CCDC82: variants seen among roughly 807,000 people sequenced by gnomAD.
The protein encoded by CCDC82 is coiled-coil domain containing 82.
In CCDC82, 47 loss-of-function variants were observed where a neutral mutation model predicts 60.6. That is an observed-to-expected ratio of 0.77 (90% confidence interval 0.61 to 0.99). CCDC82 has a LOEUF of 0.99. CCDC82 is among the 50% of genes least tolerant of loss of function. CCDC82 has a pLI of 0.00. For missense variants in CCDC82, 588 were observed against 633.0 expected, an observed-to-expected ratio of 0.93 and a Z score of 0.76; for synonymous variants, 212 against 207.4, an observed-to-expected ratio of 1.02 and a Z score of -0.19.
intron 6 of CCDC82, among the ~76,000 whole-genome samples, chr11:96,371,364 C>T (rs1378626379): frequency 4.6e-5 from 7 of 152,082 alleles, no homozygotes; most frequent in Admixed American, 1.3e-4. Flanking sequence ...GGGTGCATTA[C>T]GAGGTCAGGA....
intron 9 of CCDC82, chr11:96,356,441 T>G: frequency 1.0e-6 from 1 of 985,394 alleles, no homozygotes; most frequent in Admixed American, 6.1e-5. Flanking sequence ...TGAATGGGCA[T>G]CTGATACTTC....
chr11:96,362,330 A>T lies in CCDC82; in HGVS notation c.1380+2650T>A, dbSNP rs75168846. Among the ~76,000 whole-genome samples, 18 of 152,316 alleles carry T rather than the reference A, an allele frequency of 1.2e-4. No homozygotes were observed. In the East Asian group the frequency reaches 3.5e-3, roughly 29 times the overall value. On this transcript the variant is annotated intron_variant, in intron 8 of 9. Transcript: ENST00000646818. ...AACAAAGAAAAAGGATTCTCAAGGA[A>T]ACAGTAAGTCTGGGGAAAAGTTTGT...
chr11:96,384,694 A>C lies in CCDC82; in HGVS notation c.54T>G (p.Pro18=). The change falls in exon 4 of 10, where the codon CCT becomes CCG. Residue 18 remains proline (P), a synonymous_variant. Coordinates refer to ENST00000646818, the MANE Select transcript of CCDC82 (RefSeq NM_024725.4). Reference sequence around the variant, plus strand: ...TCCAATCAACTCGAGATTTCTGCTCAGGCACGTGACTCTTAGAATTTCTCC... The same window carrying C: ...TCCAATCAACTCGAGATTTCTGCTCCGGCACGTGACTCTTAGAATTTCTCC... The part of the protein sequence containing the change: ...ETRRNSKSHV[P]EQKSRVDWRR... 2 of 1,612,610 alleles carry C rather than the reference A, an allele frequency of 1.2e-6. No individual in the cohort carries two copies. Among genetic ancestry groups the C allele is most frequent in the Non-Finnish European group, 1.7e-6 (2 of 1,179,422 alleles).
At position 96,365,068 on chromosome 11, in the gene CCDC82, C is replaced by T. The variant is rs202142231; in HGVS notation, c.1292G>A (p.Arg431His). 17 of 1,608,966 alleles carry T rather than the reference C, an allele frequency of 1.1e-5. No individual in the cohort carries two copies. Among genetic ancestry groups the T allele is most frequent in the African/African-American group, 5.3e-5 (4 of 74,800 alleles). ...NCSCQACGLHRYCKYSVHLSG... is the reference protein window; with the variant it reads ...NCSCQACGLHHYCKYSVHLSG... The stretch of plus-strand genomic sequence containing the variant: ...TAAATGCACTGAATATTTACAGTAG[C>T]GATGCAGTCCACAAGCCTGGCAGGA... Residue 431 changes from arginine to histidine, a missense_variant, in exon 8 of 10, where the codon CGC becomes CAC. Arg to His is a conservative substitution (Grantham distance 29). Transcript: ENST00000646818.
In CCDC82 at chr11:96,384,362, T is replaced by A. The variant is rs779657939; in HGVS notation, c.386A>T (p.His129Leu). 1 of 1,613,842 alleles carries A rather than the reference T, an allele frequency of 6.2e-7. No individual in the cohort carries two copies. The highest frequency in any genetic ancestry group is 8.5e-7 in the Non-Finnish European group (1 of 1,179,826). ...GAGATCATTATCCTCTTGACTTAAA[T>A]GTTTTTCCTGATCTTGTAAGTCAAT... ...RNIDLQDQEK[H>L]LSQEDNDLNK... The change falls in exon 4 of 10, where the codon CAT becomes CTT. Residue 129 changes from histidine (H) to leucine (L), a missense_variant. By Grantham distance (99) the His-to-Leu change is moderately conservative. Transcript: ENST00000646818.
At chr11:96,367,617 C>A (rs1865016229) in intron 7 of CCDC82, among the ~76,000 whole-genome samples, 2 of 152,152 alleles carry the variant, frequency 1.3e-5, no homozygotes, top group African/African-American at 4.8e-5. Context: ...TCTTGAACCC[C>A]TTCAAGTCAT....
At chr11:96,358,611 A>G (rs1044711874) in intron 9 of CCDC82, 2 of 1,237,150 alleles carry the variant, frequency 1.6e-6, no homozygotes, top group Non-Finnish European at 2.0e-6. Context: ...TCAGGTCACA[A>G]GAACTGTTCT....
At chr11:96,379,366 T>C (rs1258681486) in intron 5 of CCDC82, among the ~76,000 whole-genome samples, 1 of 151,848 alleles carries the variant, frequency 6.6e-6, no homozygotes, top group Non-Finnish European at 1.5e-5. Context: ...TTTTCTCTAA[T>C]GTTTGAAAAA....
chr11:96,365,635 C>T (rs75331491), intron 7 of CCDC82, among the ~76,000 whole-genome samples: 4,653 of 152,230 alleles, frequency 0.031, 259 homozygotes, highest in African/African-American at 0.1. Context: ...TTACTACAGT[C>T]CTGGGGAAAA....
intron 5 of CCDC82, among the ~76,000 whole-genome samples, chr11:96,380,064 G>A (rs897492474): frequency 1.3e-5 from 2 of 151,798 alleles, no homozygotes; most frequent in African/African-American, 4.8e-5. Context: ...GTCAATGGTA[G>A]TAAAGTACAT....
intron 5 of CCDC82, chr11:96,381,541 C>T (rs1304974456): frequency 1.3e-5 from 2 of 151,674 alleles, no homozygotes; most frequent in African/African-American, 4.8e-5. Flanking sequence ...CATCCAACAC[C>T]TTGTTCCTAC....
chr11:96,358,459 G>T, intron 9 of CCDC82: 1 of 1,230,456 alleles, frequency 8.1e-7, no homozygotes. Context: ...TCAGTGCTGT[G>T]GTCTGAAACC....
At chr11:96,379,887 G>C (rs758026357) in intron 5 of CCDC82, among the ~76,000 whole-genome samples, 4 of 151,798 alleles carry the variant, frequency 2.6e-5, no homozygotes, top group African/African-American at 4.8e-5. Context: ...TAATGGGAAA[G>C]AGACTGCCCA....
intron 6 of CCDC82, among the ~76,000 whole-genome samples, chr11:96,372,705 T>C (rs1208421371): frequency 1.4e-5 from 2 of 144,996 alleles, no homozygotes; most frequent in Non-Finnish European, 3.0e-5. Flanking sequence ...TAAAAATATA[T>C]ATATACATAT....
intron 7 of CCDC82, 121 bp from the exon 8 acceptor site, chr11:96,365,271 T>C (rs1333955785): frequency 3.5e-6 from 2 of 578,046 alleles, no homozygotes; most frequent in Admixed American, 6.9e-5. Flanking sequence ...CAAAACACCC[T>C]GGCATTTCTT....
In CCDC82 at chr11:96,383,464, T is replaced by G. The variant is rs748293369; in HGVS notation, c.796A>C (p.Lys266Gln). ...TCATCACTGCTTGGGCAAGATTCCT[T>G]TTCAGAGTCCTAATTAAATTAAAAT... ...SSGRDFEDSE[K>Q]ESCPSSDEVD... The change falls in exon 5 of 10, where the codon AAG becomes CAG. Residue 266 changes from lysine to glutamine, a missense_variant. Physicochemically the swap from Lys to Gln is moderately conservative, Grantham distance 53 (BLOSUM62 1). Transcript: ENST00000646818. 1 of 1,597,714 alleles carries G rather than the reference T, an allele frequency of 6.3e-7. No homozygotes were observed. The highest frequency in any genetic ancestry group is 8.5e-7 in the Non-Finnish European group (1 of 1,171,640).
At chr11:96,382,210 G>T (rs981970767) in intron 5 of CCDC82, 8 of 151,824 alleles carry the variant, frequency 5.3e-5, no homozygotes, top group African/African-American at 1.9e-4. Context: ...TTATTTGAAA[G>T]AAAGAGTGAC....
intron 9 of CCDC82, chr11:96,356,765 A>G: frequency 3.0e-6 from 3 of 984,252 alleles, no homozygotes; most frequent in Non-Finnish European, 3.6e-6. Flanking sequence ...CCCTAGTTCA[A>G]CCTTTAGAAG....
In CCDC82 at chr11:96,353,535, T is replaced by G; in HGVS notation, c.*111A>C. 1.2e-6 allele frequency: 1 copy of G among 807,536 alleles called. No individual in the cohort carries two copies. The highest frequency in any genetic ancestry group is 2.1e-6 in the Non-Finnish European group (1 of 485,718). The allele number at this position is 807,536 out of a possible 1,614,324, so 50.0% of individuals were successfully genotyped here. A position where few individuals can be genotyped will look rare whatever the true frequency, so the allele number is the denominator to read the frequency against. The stretch of plus-strand genomic sequence containing the variant: ...TAATCATGTTTTAAACAAAATATTT[T>G]GCCATGAAGATATAGATAAAATGTA... On this transcript the variant is annotated 3_prime_UTR_variant, in exon 10 of 10. Coordinates refer to ENST00000646818, the MANE Select transcript of CCDC82 (RefSeq NM_024725.4).
Sources: gnomAD v4.1 joint callset for allele counts (sites outside exome capture counted in the v4.1 genomes callset) on GRCh38, gnomAD v4.1.1 for gene constraint, MANE v1.5 for transcripts, NCBI Gene and HGNC (gene_info 2026-07-23, HGNC 2026-07-21) for gene names.